MEF2D: variants seen among roughly 807,000 people sequenced by gnomAD.
MEF2D encodes myocyte-specific enhancer factor 2D.
Under a neutral mutation model 59.3 loss-of-function variants are expected in MEF2D, and 10 were observed. That is an observed-to-expected ratio of 0.17 (90% CI 0.10 to 0.29). The LOEUF is 0.29. Ranked by LOEUF, MEF2D falls within the 10% of genes least tolerant of loss-of-function variation. MEF2D has a pLI of 1.00. For missense variants in MEF2D, 508 were observed against 699.4 expected (o/e 0.73, Z 3.09); for synonymous variants, 305 against 295.0 (o/e 1.03, Z -0.35).
At position 156,476,450 on chromosome 1, in the gene MEF2D, C is replaced by A. The variant is rs2274316; in HGVS notation, c.876+44G>T. On this transcript the variant is annotated intron_variant, in intron 8 of 11. Coordinates refer to ENST00000348159, the MANE Select transcript of MEF2D (RefSeq NM_005920.4). The stretch of plus-strand genomic sequence containing the variant: ...CATGCTGGGGGACCGCAGAGCAATA[C>A]CCAGAATTCAAAGCCACAGCAAAGA... The A allele has an allele frequency of 0.64, 1,018,458 of 1,601,862 alleles. 329,700 individuals are homozygous for A. Among genetic ancestry groups the A allele is most frequent in the East Asian group, 0.72 (32,228 of 44,702 alleles).
chr1:156,484,770 T>C (rs1672239925), intron 1 of MEF2D, among the ~76,000 whole-genome samples: 1 of 152,082 alleles, frequency 6.6e-6, no homozygotes, highest in Non-Finnish European at 1.5e-5. Flanking sequence ...CACCATAGGA[T>C]AAGAGGGGGC....
At chr1:156,488,919 GT>G (rs1672557903) in intron 1 of MEF2D, among the ~76,000 whole-genome samples, 3 of 152,078 alleles carry the variant, frequency 2.0e-5, no homozygotes, top group Non-Finnish European at 4.4e-5. Flanking sequence ...TGGCAGGGGA[GT>G]ACCTACCTGT....
At chr1:156,484,536 T>G (rs899118425) in intron 1 of MEF2D, among the ~76,000 whole-genome samples, 5 of 152,234 alleles carry the variant, frequency 3.3e-5, no homozygotes, top group African/African-American at 1.2e-4. Context: ...AAGCTCAGTC[T>G]AAGAGTAGTG....
At chr1:156,492,324 G>C (rs2102243685) in intron 1 of MEF2D, among the ~76,000 whole-genome samples, 1 of 152,318 alleles carries the variant, frequency 6.6e-6, no homozygotes, top group South Asian at 2.1e-4. Context: ...ACTTCTCAGG[G>C]CTGAGTCCTT....
intron 1 of MEF2D, among the ~76,000 whole-genome samples, chr1:156,494,012 T>C (rs1672978655): frequency 6.6e-6 from 1 of 152,030 alleles, no homozygotes. Context: ...GAGGCAGTGG[T>C]GGTGGCTGGA....
chr1:156,487,538 T>C (rs1672453339), intron 1 of MEF2D, among the ~76,000 whole-genome samples: 2 of 152,234 alleles, frequency 1.3e-5, no homozygotes, highest in Admixed American at 1.3e-4. Context: ...CTGCAGGGTC[T>C]TTGAAAGCCC....
At chr1:156,497,923 G>A (rs762075126) in intron 1 of MEF2D, among the ~76,000 whole-genome samples, 2 of 151,738 alleles carry the variant, frequency 1.3e-5, no homozygotes, top group Non-Finnish European at 2.9e-5. Flanking sequence ...CTGAGGGCAC[G>A]GTAGAGGAGA....
intron 6 of MEF2D, among the ~76,000 whole-genome samples, chr1:156,478,520 T>C (rs1671767288): frequency 6.6e-6 from 1 of 152,136 alleles, no homozygotes; most frequent in African/African-American, 2.4e-5. Flanking sequence ...GGGCAGCCTT[T>C]CTTCTGTGGC....
At chr1:156,480,592 C>T (rs1009467128) in intron 4 of MEF2D, 27 of 1,505,090 alleles carry the variant, frequency 1.8e-5, no homozygotes, top group Middle Eastern at 1.7e-4. Flanking sequence ...AGCCAGGGCG[C>T]GAAGCCACAC....
Position 156,476,492 on chromosome 1 carries a change from AC to A in MEF2D, c.876+1del. The A allele has an allele frequency of 6.2e-7, 1 of 1,611,988 alleles. No homozygotes were observed. The highest frequency in any genetic ancestry group is 8.5e-7 in the Non-Finnish European group (1 of 1,179,134). On this transcript the variant is annotated splice_donor_variant, in intron 8 of 11. Coordinates refer to ENST00000348159, the MANE Select transcript of MEF2D (RefSeq NM_005920.4). LOFTEE classifies it high-confidence loss of function. ...CAGCAAAGAGCTCACAGCCTCACTT[AC>A]CAGATCTAAATGGTCCTCAGTCTGA...
intron 6 of MEF2D, among the ~76,000 whole-genome samples, chr1:156,477,484 G>T (rs530774317): frequency 3.3e-4 from 51 of 152,312 alleles, no homozygotes; most frequent in African/African-American, 1.2e-3. Context: ...GGAAGAACTG[G>T]AAAGCAGCCA....
rs1268698116 is a variant in MEF2D, at chr1:156,465,810, T to G, written c.*1835A>C. ...CTCTGCTTCTGGTTCCTTCCCTGCA[T>G]CAAGTATGGGAATACTGCAAGAGGC... is the stretch of plus-strand genomic sequence containing the variant. On this transcript the variant is annotated 3_prime_UTR_variant, in exon 12 of 12. Coordinates refer to ENST00000348159, the MANE Select transcript of MEF2D (RefSeq NM_005920.4). The G allele has an allele frequency of 6.6e-6, 1 of 152,142 alleles. No individual in the cohort carries two copies. The highest frequency in any genetic ancestry group is 1.5e-5 in the Non-Finnish European group (1 of 68,030). The allele number at this position is 152,142 out of a possible 1,614,324, so 9.4% of individuals were successfully genotyped here. A position where few individuals can be genotyped will look rare whatever the true frequency, so the allele number is the denominator to read the frequency against.
intron 1 of MEF2D, among the ~76,000 whole-genome samples, chr1:156,495,909 G>T (rs1409631044): frequency 2.6e-5 from 4 of 152,152 alleles, no homozygotes; most frequent in Non-Finnish European, 4.4e-5. Context: ...AAGTTTAAAT[G>T]AGTAAATATG....
Position 156,468,638 on chromosome 1 carries a change from G to A in MEF2D, c.1247+142C>T. 7.2e-7 allele frequency: 1 copy of A among 1,396,990 alleles called. No individual in the cohort carries two copies. The highest frequency in any genetic ancestry group is 1.4e-5 in the African/African-American group (1 of 69,776). 86.5% of individuals were successfully genotyped at this position (1,396,990 alleles called of 1,614,324 possible). A position where few individuals can be genotyped will look rare whatever the true frequency, so the allele number is the denominator to read the frequency against. Reference sequence around the variant, plus strand: ...TACAAGAGAGCCCAGGGGTGCCACTGTTGCCTAACAGACTGTGCAGTGCAC... The same window carrying A: ...TACAAGAGAGCCCAGGGGTGCCACTATTGCCTAACAGACTGTGCAGTGCAC... On this transcript the variant is annotated intron_variant, in intron 10 of 11. Transcript: ENST00000348159. This position sits in a 1 kb window ranked among gnomAD's most constrained non-coding sequence, Gnocchi z 4.3.
At chr1:156,496,494 C>T (rs1335718284) in intron 1 of MEF2D, among the ~76,000 whole-genome samples, 1 of 152,136 alleles carries the variant, frequency 6.6e-6, no homozygotes. Context: ...GGCTCCTTGA[C>T]TCACAAGCCA....
intron 1 of MEF2D, among the ~76,000 whole-genome samples, chr1:156,490,233 C>T (rs112224469): frequency 2.0e-5 from 3 of 152,224 alleles, no homozygotes; most frequent in African/African-American, 7.2e-5. Context: ...GGGCCCCTCT[C>T]GGGTCTCCTT....
intron 1 of MEF2D, among the ~76,000 whole-genome samples, chr1:156,483,746 C>T (rs1203299930): frequency 6.6e-6 from 1 of 152,230 alleles, no homozygotes; most frequent in African/African-American, 2.4e-5. Flanking sequence ...CTCTCTAGAA[C>T]CTGCTTGTAC....
intron 1 of MEF2D, among the ~76,000 whole-genome samples, chr1:156,494,076 C>T (rs1193491052): frequency 6.6e-6 from 1 of 152,170 alleles, no homozygotes; most frequent in African/African-American, 2.4e-5. Flanking sequence ...GAGAAACCCA[C>T]TTTCAGATCA....
chr1:156,478,804 A>T (rs530498374), intron 6 of MEF2D, among the ~76,000 whole-genome samples: 2 of 150,442 alleles, frequency 1.3e-5, no homozygotes, highest in East Asian at 3.9e-4. Flanking sequence ...TGCTGGGTTT[A>T]CAGGCGTGAG....
Sources: gnomAD v4.1 joint callset for allele counts (sites outside exome capture counted in the v4.1 genomes callset) on GRCh38, gnomAD v4.1.1 for gene constraint, Gnocchi (gnomAD v3.1) non-coding constraint, MANE v1.5 for transcripts, NCBI Gene and HGNC (gene_info 2026-07-23, HGNC 2026-07-21) for gene names.